SYNJ1: variants seen among roughly 807,000 people sequenced by gnomAD.
SYNJ1 encodes synaptojanin 1, also known as polyphosphatidylinositol phosphatase SYNJ1.
SYNJ1 carries 78 observed loss-of-function variants against 168.2 expected under a neutral mutation model. That is an observed-to-expected ratio of 0.46 (90% CI 0.39 to 0.56). SYNJ1 has a LOEUF of 0.56. Among genes scored for constraint, SYNJ1 ranks in the 20% least tolerant of loss-of-function variants. The probability of loss-of-function intolerance (pLI) is 0.00; values close to 1 mark genes in which losing one functional copy is unlikely to be tolerated. For missense variants in SYNJ1, 1,303 were observed against 1,597.6 expected (o/e 0.82, Z 3.14); for synonymous variants, 539 against 548.6 (o/e 0.98, Z 0.24).
At chr21:32,631,858 A>G in intron 32 of SYNJ1, 57 bp from the exon 33 acceptor site, 1 of 1,420,616 alleles carries the variant, frequency 7.0e-7, no homozygotes, top group African/African-American at 1.4e-5. Flanking sequence ...AATACCCCCT[A>G]TTCTTCCTGT....
chr21:32,694,805 T>G (rs1455355335), intron 5 of SYNJ1, among the ~76,000 whole-genome samples: 1 of 152,136 alleles, frequency 6.6e-6, no homozygotes, highest in Non-Finnish European at 1.5e-5. Flanking sequence ...TTCATTAAAA[T>G]TCAATACCAA....
At chr21:32,638,796 A>G in intron 31 of SYNJ1, 112 bp downstream of exon 31, 1 of 1,038,234 alleles carries the variant, frequency 9.6e-7, no homozygotes, top group South Asian at 2.3e-5. Flanking sequence ...AAAGAAAATT[A>G]AAACTCGTAT....
chr21:32,676,089 G>A (rs1167802171), intron 13 of SYNJ1, among the ~76,000 whole-genome samples: 1 of 152,084 alleles, frequency 6.6e-6, no homozygotes, highest in Non-Finnish European at 1.5e-5. Context: ...TCTTTAACTG[G>A]AATTAAGCAA....
intron 6 of SYNJ1, among the ~76,000 whole-genome samples, chr21:32,691,715 T>C (rs1180866732): frequency 6.6e-6 from 1 of 152,250 alleles, no homozygotes; most frequent in Non-Finnish European, 1.5e-5. Flanking sequence ...AAATTCATCT[T>C]GGTATTTATC....
rs1002073456 is a variant in SYNJ1, at chr21:32,727,810, C to G, written c.-23+136G>C. The G allele has an allele frequency of 2.1e-6, 3 of 1,456,460 alleles. No individual in the cohort carries two copies. In the Admixed American group the frequency reaches 7.1e-5, roughly 34 times the overall value. 90.2% of individuals were successfully genotyped at this position (1,456,460 alleles called of 1,614,324 possible). On this transcript the variant is annotated intron_variant, in intron 1 of 32. Coordinates refer to ENST00000674351, the MANE Select transcript of SYNJ1 (RefSeq NM_203446.3). ...TCACAACCCCGCCCGTCCTCCCGCA[C>G]CCCGGCTGCTCGCGGTCGCCCCTCA... is the stretch of plus-strand genomic sequence containing the variant.
chr21:32,728,125 G>T (rs1395334243), upstream of SYNJ1: 3 of 1,418,854 alleles, frequency 2.1e-6, no homozygotes, highest in African/African-American at 1.5e-5. Context: ...ACTCTGCGCC[G>T]ACCGGCTGGG....
At chr21:32,726,191 T>C (rs2043447238) in intron 2 of SYNJ1, among the ~76,000 whole-genome samples, 1 of 152,228 alleles carries the variant, frequency 6.6e-6, no homozygotes, top group African/African-American at 2.4e-5. Flanking sequence ...ATTTCATCCA[T>C]CTGCCCCTAA....
At chr21:32,698,890 A>T (rs1379580053) in intron 4 of SYNJ1, among the ~76,000 whole-genome samples, 1 of 152,230 alleles carries the variant, frequency 6.6e-6, no homozygotes, top group Non-Finnish European at 1.5e-5. Flanking sequence ...ACAAGATCTC[A>T]AAACCAAGAA....
At chr21:32,691,525 T>C (rs1336700515) in intron 6 of SYNJ1, among the ~76,000 whole-genome samples, 1 of 152,224 alleles carries the variant, frequency 6.6e-6, no homozygotes, top group Non-Finnish European at 1.5e-5. Flanking sequence ...ACTGTAAATG[T>C]AGTATAATAA....
At chr21:32,705,724 G>T (rs892884224) in intron 2 of SYNJ1, among the ~76,000 whole-genome samples, 1 of 152,048 alleles carries the variant, frequency 6.6e-6, no homozygotes, top group Non-Finnish European at 1.5e-5. Flanking sequence ...AGTGGCTCAC[G>T]CCTGTAATCC....
At chr21:32,696,929 ACTT>A (rs773029362) in intron 4 of SYNJ1, among the ~76,000 whole-genome samples, 1 of 152,204 alleles carries the variant, frequency 6.6e-6, no homozygotes, top group Non-Finnish European at 1.5e-5. Context: ...AAACTTCCAT[ACTT>A]TACTATTACC....
In SYNJ1 at chr21:32,672,324, TTTTC is replaced by T. The variant is rs562313698; in HGVS notation, c.1726+1012_1726+1015del. Among the ~76,000 whole-genome samples the T allele has an allele frequency of 9.5e-4, 144 of 151,950 alleles. 3 individuals are homozygous for T. The East Asian group carries it at 0.02, about 21-fold the overall frequency. On this transcript the variant is annotated intron_variant, in intron 14 of 32. Coordinates refer to ENST00000674351, the MANE Select transcript of SYNJ1 (RefSeq NM_203446.3). ...AAGTTCATGATTCTAATCAAAATCTTTTTCTTTCTTTCTTTTTTTTTGTTTTTTT... is the reference window on the plus strand; with the variant it reads ...AAGTTCATGATTCTAATCAAAATCTTTTTCTTTCTTTTTTTTTGTTTTTTT...
rs775139968 is a variant in SYNJ1, at chr21:32,646,430, T to C, written c.3210A>G (p.Arg1070=). 6.2e-7 allele frequency: 1 copy of C among 1,614,148 alleles called. No homozygotes were observed. The highest frequency in any genetic ancestry group is 2.2e-5 in the East Asian group (1 of 44,880). The change falls in exon 24 of 33, where the codon CGA becomes CGG. Residue 1070 remains arginine, a synonymous_variant. Coordinates refer to ENST00000674351, the MANE Select transcript of SYNJ1 (RefSeq NM_203446.3). The part of the protein sequence containing the change: ...PVPSLPIRPS[R]APSRTPGPPS... ...GAGGCCCAGGAGTTCTTGACGGTGC[T>C]CGGCTTGGTCTGATGGGAAGGGAAG...
At chr21:32,693,377 CAGT>C (rs1291418027) in intron 6 of SYNJ1, among the ~76,000 whole-genome samples, 7 of 152,238 alleles carry the variant, frequency 4.6e-5, no homozygotes, top group South Asian at 2.1e-4. Context: ...TTTTGCAGAG[CAGT>C]AGAAGTGTTA....
intron 3 of SYNJ1, among the ~76,000 whole-genome samples, chr21:32,701,540 G>T (rs928527508): frequency 3.3e-5 from 5 of 149,268 alleles, no homozygotes; most frequent in Admixed American, 1.3e-4. Flanking sequence ...GTGACATTAC[G>T]TGGCAAAAAA....
intron 26 of SYNJ1, among the ~76,000 whole-genome samples, chr21:32,644,717 A>G (rs2039989329): frequency 6.6e-6 from 1 of 152,232 alleles, no homozygotes; most frequent in Non-Finnish European, 1.5e-5. Flanking sequence ...AATGACTTTT[A>G]AAATTAATAT....
rs192534669 is a variant in SYNJ1, at chr21:32,653,246, T to C, written c.2874+42A>G. On this transcript the variant is annotated intron_variant, in intron 22 of 32. Coordinates refer to ENST00000674351, the MANE Select transcript of SYNJ1 (RefSeq NM_203446.3). ...AAAAATATCATACCATCTTCAGACATTTAATTTCAGAATGGTTTAGAATCA... is the reference window on the plus strand; with the variant it reads ...AAAAATATCATACCATCTTCAGACACTTAATTTCAGAATGGTTTAGAATCA... 1,105 of 1,483,074 alleles carry C rather than the reference T, an allele frequency of 7.5e-4. 4 individuals are homozygous for C. The highest frequency in any genetic ancestry group is 1.4e-4 in the Non-Finnish European group (154 of 1,069,726). 91.9% of individuals were successfully genotyped at this position (1,483,074 alleles called of 1,614,324 possible).
At chr21:32,677,523 A>G (rs180961150) in intron 12 of SYNJ1, among the ~76,000 whole-genome samples, 1 of 152,256 alleles carries the variant, frequency 6.6e-6, no homozygotes, top group African/African-American at 2.4e-5. Flanking sequence ...TCCTTCAACC[A>G]CTTACTTTCA....
chr21:32,695,202 A>C lies in SYNJ1; in HGVS notation c.560T>G (p.Val187Gly). 1 of 1,613,980 alleles carries C rather than the reference A, an allele frequency of 6.2e-7. No homozygotes were observed. Among genetic ancestry groups the C allele is most frequent in the Non-Finnish European group, 8.5e-7 (1 of 1,179,990 alleles). The change falls in exon 5 of 33, where the codon GTA becomes GGA. Residue 187 changes from valine to glycine, a missense_variant. Val to Gly is a moderately radical substitution (Grantham distance 109). Around this residue, in one of 2 missense-constraint regions of SYNJ1, gnomAD observed 920 missense variants for 1,208.8 expected, o/e 0.76. Coordinates refer to ENST00000674351, the MANE Select transcript of SYNJ1 (RefSeq NM_203446.3). Reference protein sequence around the residue: ...DWLLRLMCGGVEIRTIYAAHK... With the variant: ...DWLLRLMCGGGEIRTIYAAHK... ...AGCAGCATAAATTGTTCTGATTTCT[A>C]CTCCTCCACACATAAGACGTAATAA...
Sources: gnomAD v4.1 joint callset for allele counts (sites outside exome capture counted in the v4.1 genomes callset) on GRCh38, gnomAD v4.1.1 for gene constraint, gnomAD v4.1.1 regional missense constraint, MANE v1.5 for transcripts, NCBI Gene and HGNC (gene_info 2026-07-23, HGNC 2026-07-21) for gene names.